The following SCD5 variants were observed in gnomAD, a reference collection of about 807,000 sequenced individuals.
SCD5 encodes the protein acyl-CoA-desaturase 4.
A neutral mutation model predicts 30.4 loss-of-function variants in SCD5; 20 were observed. The observed-to-expected ratio is 0.66, with a 90% confidence interval of 0.46 to 0.96. The LOEUF (loss-of-function observed/expected upper bound fraction) is 0.96. SCD5 is among the 40% of genes least tolerant of loss of function. The pLI, the probability that SCD5 is intolerant of heterozygous loss-of-function variation, is 0.00. For synonymous variants in SCD5, 173 were observed against 176.4 expected, an observed-to-expected ratio of 0.98 and a Z score of 0.16; for missense variants, 381 against 443.3, an observed-to-expected ratio of 0.86 and a Z score of 1.26.
intron 1 of SCD5, among the ~76,000 whole-genome samples, chr4:82,758,808 A>G (rs887002027): frequency 1.3e-5 from 2 of 152,132 alleles, no homozygotes; most frequent in African/African-American, 4.8e-5. Context: ...GGAAAGAAGG[A>G]CTGACAGCCT....
intron 3 of SCD5, chr4:82,661,030 G>A (rs1343358147): frequency 1.3e-5 from 21 of 1,613,788 alleles, no homozygotes; most frequent in South Asian, 4.4e-5. Context: ...CATCTCACAC[G>A]CTGCCTCTTG....
chr4:82,689,707 C>G (rs1298028696), intron 2 of SCD5, among the ~76,000 whole-genome samples: 1 of 152,130 alleles, frequency 6.6e-6, no homozygotes, highest in Non-Finnish European at 1.5e-5. Flanking sequence ...CATATAGGCT[C>G]ATAATCTTTG....
At chr4:82,751,482 T>C (rs1490008709) in intron 1 of SCD5, among the ~76,000 whole-genome samples, 1 of 152,204 alleles carries the variant, frequency 6.6e-6, no homozygotes, top group Non-Finnish European at 1.5e-5. Flanking sequence ...TCTTTAAATC[T>C]CTTAGGACTG....
chr4:82,794,849 C>G (rs1722177255), intron 1 of SCD5, among the ~76,000 whole-genome samples: 1 of 152,022 alleles, frequency 6.6e-6, no homozygotes, highest in Admixed American at 6.6e-5. Context: ...GATGGGGTTT[C>G]ACCGTGTTAG....
chr4:82,737,512 T>C (rs1436386521), intron 1 of SCD5, among the ~76,000 whole-genome samples: 1 of 152,202 alleles, frequency 6.6e-6, no homozygotes, highest in Admixed American at 6.5e-5. Context: ...TCAGCCAAGG[T>C]TCCTGCTGCC....
At chr4:82,772,267 T>C (rs752659415) in intron 1 of SCD5, among the ~76,000 whole-genome samples, 14 of 152,212 alleles carry the variant, frequency 9.2e-5, no homozygotes, top group Non-Finnish European at 2.1e-4. Flanking sequence ...TTTTTGTCCA[T>C]GCGTCACTAC....
chr4:82,779,979 G>A (rs1312313282), intron 1 of SCD5, among the ~76,000 whole-genome samples: 2 of 152,218 alleles, frequency 1.3e-5, no homozygotes, highest in Admixed American at 1.3e-4. Context: ...TGTTCTCAAA[G>A]TTATTGTTGC....
At chr4:82,735,030 A>T (rs1473883664) in intron 1 of SCD5, among the ~76,000 whole-genome samples, 1 of 151,382 alleles carries the variant, frequency 6.6e-6, no homozygotes, top group Non-Finnish European at 1.5e-5. Context: ...CAGCCTCCCA[A>T]AGTGCTGGGA....
At chr4:82,633,450 T>G (rs1027629308) in intron 4 of SCD5, among the ~76,000 whole-genome samples, 1 of 152,232 alleles carries the variant, frequency 6.6e-6, no homozygotes, top group East Asian at 1.9e-4. Flanking sequence ...CATGGGAGTA[T>G]AGATATCTCT....
intron 2 of SCD5, among the ~76,000 whole-genome samples, chr4:82,692,728 T>G (rs1719580833): frequency 1.3e-5 from 2 of 152,282 alleles, no homozygotes; most frequent in Non-Finnish European, 2.9e-5. Flanking sequence ...CTTTTCCCAC[T>G]TCCTCTCAAA....
At chr4:82,701,659 TTC>T in intron 2 of SCD5, among the ~76,000 whole-genome samples, 1 of 152,354 alleles carries the variant, frequency 6.6e-6, no homozygotes, top group African/African-American at 2.4e-5. Context: ...GTCACTGGTA[TTC>T]TCTGTTTACT....
intron 2 of SCD5, among the ~76,000 whole-genome samples, chr4:82,704,979 C>T (rs907244508): frequency 2.0e-5 from 3 of 152,228 alleles, no homozygotes; most frequent in African/African-American, 7.2e-5. Context: ...CAGAACTTGG[C>T]CCCTGGTTAG....
rs1360492287 is a variant in SCD5 at position 82,630,261 on chromosome 4, A to G, written c.*1066T>C. 6.6e-6 allele frequency: 1 copy of G among 152,254 alleles called. No individual in the cohort carries two copies. The highest frequency in any genetic ancestry group is 1.5e-5 in the Non-Finnish European group (1 of 68,046). The allele number at this position is 152,254 out of a possible 1,614,324, so 9.4% of individuals were successfully genotyped here. A position where few individuals can be genotyped will look rare whatever the true frequency, so the allele number is the denominator to read the frequency against. ...TCTCTTGAAACAAAGACAGTAGAGC[A>G]TTAACAAGCTGTAAACACAGCAAAA... On this transcript the variant is annotated 3_prime_UTR_variant, in exon 5 of 5. Coordinates refer to ENST00000319540, the MANE Select transcript of SCD5 (RefSeq NM_001037582.3).
intron 2 of SCD5, among the ~76,000 whole-genome samples, chr4:82,700,105 T>G (rs1451717553): frequency 2.0e-5 from 3 of 151,978 alleles, no homozygotes; most frequent in African/African-American, 7.2e-5. Flanking sequence ...TAATCCCAGC[T>G]ACTCGGGTGG....
chr4:82,747,124 A>G (rs535523559), intron 1 of SCD5, among the ~76,000 whole-genome samples: 6 of 146,604 alleles, frequency 4.1e-5, no homozygotes, highest in African/African-American at 9.8e-5. Flanking sequence ...CTCCCCATCC[A>G]TCTTGCTGTC....
chr4:82,794,688 C>G (rs192303102), intron 1 of SCD5, among the ~76,000 whole-genome samples: 2 of 148,322 alleles, frequency 1.3e-5, no homozygotes, highest in Admixed American at 6.8e-5. Flanking sequence ...CTCACTCTGT[C>G]GCCTAGGCTG....
At chr4:82,708,171 A>C (rs1720007692) in intron 1 of SCD5, among the ~76,000 whole-genome samples, 1 of 152,194 alleles carries the variant, frequency 6.6e-6, no homozygotes, top group Non-Finnish European at 1.5e-5. Flanking sequence ...GGCCAGTTGC[A>C]CAATTCTGCA....
At chr4:82,701,941 T>A (rs188858943) in intron 2 of SCD5, among the ~76,000 whole-genome samples, 1 of 152,104 alleles carries the variant, frequency 6.6e-6, no homozygotes, top group Non-Finnish European at 1.5e-5. Flanking sequence ...CTCACCTGGG[T>A]CCATCTTTGA....
rs28501678 is a variant in SCD5, at chr4:82,796,211, G to A, written c.232+2095C>T. 8.8e-3 allele frequency among the ~76,000 whole-genome samples: 1,328 copies of A among 151,664 alleles called. 8 individuals carry two copies. The highest frequency in any genetic ancestry group is 0.024 in the African/African-American group (1,011 of 41,272). On this transcript the variant is annotated intron_variant, in intron 1 of 4. Transcript: ENST00000319540. ...TGTGAACCCAGGAGGCGGAGCTTGC[G>A]GTGAGCCGAGATCGCACCACTGCAC...
Sources: allele counts gnomAD v4.1 joint callset (sites outside exome capture counted in the v4.1 genomes callset), GRCh38; gene constraint gnomAD v4.1.1; transcripts MANE v1.5; gene names NCBI Gene and HGNC (gene_info 2026-07-23, HGNC 2026-07-21).